PDE1C: variants seen among roughly 807,000 people sequenced by gnomAD.
The protein encoded by PDE1C is dual specificity calcium/calmodulin-dependent 3',5'-cyclic nucleotide phosphodiesterase 1C.
Under a neutral mutation model 93.1 loss-of-function variants are expected in PDE1C, and 62 were observed. That is an observed-to-expected ratio of 0.67 (90% CI 0.54 to 0.82). The LOEUF is 0.82. PDE1C is among the 40% of genes least tolerant of loss of function. The pLI is 0.00. For missense variants in PDE1C, 742 were observed against 884.6 expected (o/e 0.84, Z 2.04); for synonymous variants, 325 against 310.1 (o/e 1.05, Z -0.50).
chr7:32,290,386 C>T (rs950107665), intron 1 of PDE1C, among the ~76,000 whole-genome samples: 1 of 152,160 alleles, frequency 6.6e-6, no homozygotes, highest in African/African-American at 2.4e-5. Context: ...GGAAGTCTTG[C>T]CCACACCCTG....
chr7:31,675,963 A>T, the PDE1C span, among the ~76,000 whole-genome samples: 1 of 152,178 alleles, frequency 6.6e-6, no homozygotes, highest in African/African-American at 2.4e-5. Context: ...CACCTGAGAC[A>T]TGGAAGAGAG....
the PDE1C span, among the ~76,000 whole-genome samples, chr7:31,692,147 G>A: frequency 6.6e-6 from 1 of 152,156 alleles, no homozygotes. Flanking sequence ...GTGTCTCTGA[G>A]AGAGGGCAAA....
At chr7:31,640,179 A>G in the PDE1C span, among the ~76,000 whole-genome samples, 27 of 152,216 alleles carry the variant, frequency 1.8e-4, no homozygotes, top group Admixed American at 1.6e-3. Context: ...GAAGCAAGAC[A>G]CTTCTGAGTA....
rs184713090 is a variant in PDE1C at position 32,127,775 on chromosome 7, C to G, written c.308+42010G>C. ...ACACATCAGTTCCTGGACTGTGACA[C>G]TCAATATTGTAAAGATGTAAATTAT... On this transcript the variant is annotated intron_variant, in intron 3 of 18. Transcript: ENST00000396193. Among the ~76,000 whole-genome samples the G allele has an allele frequency of 5.3e-3, 805 of 151,998 alleles. 4 individuals are homozygous for G. Among genetic ancestry groups the G allele is most frequent in the Non-Finnish European group, 8.7e-3 (592 of 67,934 alleles).
At chr7:31,704,842 G>A in the PDE1C span, among the ~76,000 whole-genome samples, 101 of 152,216 alleles carry the variant, frequency 6.6e-4, no homozygotes, top group Middle Eastern at 3.4e-3. Flanking sequence ...GTGCACCTCT[G>A]CTTCCCCTGA....
chr7:32,328,266 G>A (rs1402035877), intron 1 of PDE1C, among the ~76,000 whole-genome samples: 2 of 152,082 alleles, frequency 1.3e-5, no homozygotes, highest in Non-Finnish European at 2.9e-5. Flanking sequence ...GTCTCACTAA[G>A]GTTCTAGTTA....
Position 31,878,987 on chromosome 7 carries a change from C to T in PDE1C, c.425+9G>A, listed in dbSNP as rs753682726. ...TTAGTCACTAAATGACAATGAATGA[C>T]ATCTTTACCTCTCCACAAATATCCC... On this transcript the variant is annotated intron_variant, in intron 4 of 17. Coordinates refer to ENST00000396191, the MANE Select transcript of PDE1C (RefSeq NM_001191057.4). 1 of 1,611,110 alleles carries T rather than the reference C, an allele frequency of 6.2e-7. No homozygotes were observed. The highest frequency in any genetic ancestry group is 8.5e-7 in the Non-Finnish European group (1 of 1,177,636).
intron 2 of PDE1C, among the ~76,000 whole-genome samples, chr7:31,978,985 C>T (rs1225916984): frequency 6.6e-6 from 1 of 152,242 alleles, no homozygotes; most frequent in East Asian, 1.9e-4. Context: ...AATGATGCCA[C>T]ACTTGTTTAT....
chr7:32,089,612 T>C (rs1797346170), intron 3 of PDE1C, among the ~76,000 whole-genome samples: 2 of 152,184 alleles, frequency 1.3e-5, no homozygotes, highest in African/African-American at 4.8e-5. Context: ...GTTCTCGTGA[T>C]AGGAACTGCT....
At chr7:32,335,874 A>G (rs906364127) in intron 1 of PDE1C, among the ~76,000 whole-genome samples, 1 of 152,086 alleles carries the variant, frequency 6.6e-6, no homozygotes, top group African/African-American at 2.4e-5. Flanking sequence ...GTCCATAGGC[A>G]TGCACCACTA....
chr7:32,209,434 C>T, intron 2 of PDE1C: 4 of 1,422,428 alleles, frequency 2.8e-6, no homozygotes, highest in Non-Finnish European at 3.8e-6. Flanking sequence ...GGAAAGATCT[C>T]TGGAGAACAT....
chr7:31,802,479 G>A (rs564489090), intron 16 of PDE1C, among the ~76,000 whole-genome samples: 41 of 151,586 alleles, frequency 2.7e-4, no homozygotes, highest in South Asian at 1.2e-3. Flanking sequence ...TAGAAAAATC[G>A]TATATATTTA....
intron 1 of PDE1C, among the ~76,000 whole-genome samples, chr7:32,068,911 G>C: frequency 1.3e-5 from 2 of 152,056 alleles, no homozygotes; most frequent in East Asian, 3.8e-4. Context: ...CAATACAATC[G>C]GACGTAATGT....
At chr7:31,658,487 G>A in the PDE1C span, 4 of 1,126,760 alleles carry the variant, frequency 3.5e-6, no homozygotes, top group South Asian at 3.3e-5. Context: ...TATCAAAGTG[G>A]TGCCCCTTTG....
intron 1 of PDE1C, among the ~76,000 whole-genome samples, chr7:32,056,269 A>C (rs1794057595): frequency 6.7e-6 from 1 of 149,478 alleles, no homozygotes; most frequent in Admixed American, 6.7e-5. Flanking sequence ...CACTTCAAAG[A>C]AGGTCTAGAG....
chr7:31,716,812 T>C, the PDE1C span, among the ~76,000 whole-genome samples: 1 of 151,982 alleles, frequency 6.6e-6, no homozygotes, highest in African/African-American at 2.4e-5. Context: ...AAGTAGAAGG[T>C]AATGGAACTG....
At chr7:31,697,155 G>A in the PDE1C span, 2 of 1,609,374 alleles carry the variant, frequency 1.2e-6, no homozygotes, top group South Asian at 2.2e-5. Context: ...AGGGGGTGAT[G>A]GGGACAGGTC....
In PDE1C at chr7:32,323,641, A is replaced by G. The variant is rs73314442; in HGVS notation, c.310+104181T>C. On this transcript the variant is annotated intron_variant, in intron 1 of 1. Coordinates refer to the PDE1C transcript ENST00000672256. ...TGTCAACCACGGAACCAAGTCAAAGAGCCAGGAGGAAAAGAGTGGCATGAG... is the reference window on the plus strand; with the variant it reads ...TGTCAACCACGGAACCAAGTCAAAGGGCCAGGAGGAAAAGAGTGGCATGAG... 9.2e-3 allele frequency among the ~76,000 whole-genome samples: 1,397 copies of G among 152,326 alleles called. 4 individuals are homozygous for G. The highest frequency in any genetic ancestry group is 0.02 in the African/African-American group (824 of 41,562).
At chr7:31,964,784 G>A (rs1169501786) in intron 2 of PDE1C, among the ~76,000 whole-genome samples, 1 of 152,180 alleles carries the variant, frequency 6.6e-6, no homozygotes, top group Non-Finnish European at 1.5e-5. Context: ...TCAGGCAGCA[G>A]CATTTACAGT....
Sources: gnomAD v4.1 joint callset for allele counts (sites outside exome capture counted in the v4.1 genomes callset) on GRCh38, gnomAD v4.1.1 for gene constraint, MANE v1.5 for transcripts, NCBI Gene and HGNC (gene_info 2026-07-23, HGNC 2026-07-21) for gene names.